The following ALDH2 variants were observed in gnomAD, a reference collection of about 807,000 sequenced individuals.
ALDH2 encodes aldehyde dehydrogenase, mitochondrial.
A neutral mutation model predicts 59.6 loss-of-function variants in ALDH2; 44 were observed. The observed-to-expected ratio is 0.74, with a 90% CI of 0.58 to 0.95. ALDH2 has a LOEUF of 0.95. Ranked by LOEUF, ALDH2 falls within the 40% of genes least tolerant of loss-of-function variation. The pLI, the probability that ALDH2 is intolerant of heterozygous loss-of-function variation, is 0.00. For missense variants in ALDH2, 570 were observed against 696.3 expected (o/e 0.82, Z 2.04); for synonymous variants, 291 against 284.0 (o/e 1.02, Z -0.25).
At position 111,815,755 on chromosome 12, in the gene ALDH2, G is replaced by A. The variant is rs1003845483; in HGVS notation, c.*6180G>A. On this transcript the variant is annotated 3_prime_UTR_variant, in exon 13 of 13. Coordinates refer to ENST00000261733, the MANE Select transcript of ALDH2 (RefSeq NM_000690.4). Reference sequence around the variant, plus strand: ...CTCCTGAGTAGCTGGGATTATAGGCGTGCACTACCATGCATATATATATAT... The same window carrying A: ...CTCCTGAGTAGCTGGGATTATAGGCATGCACTACCATGCATATATATATAT... 6 of 150,696 alleles carry A rather than the reference G, an allele frequency of 4.0e-5. No homozygotes were observed. The highest frequency in any genetic ancestry group is 1.5e-4 in the African/African-American group (6 of 40,792). 9.3% of individuals were successfully genotyped at this position (150,696 alleles called of 1,614,324 possible). A position where few individuals can be genotyped will look rare whatever the true frequency, so the allele number is the denominator to read the frequency against.
At position 111,816,123 on chromosome 12, in the gene ALDH2, G is replaced by A. The variant is rs1044032466; in HGVS notation, c.*6548G>A. On this transcript the variant is annotated 3_prime_UTR_variant, in exon 13 of 13. Transcript: ENST00000261733. ...TGAATGGCTTGGTGTCCTCCCCCAT[G>A]GTAATGAGTTCACTCAAGAGCTGGT... is the stretch of plus-strand genomic sequence containing the variant. 1 of 152,140 alleles carries A rather than the reference G, an allele frequency of 6.6e-6. No homozygotes were observed. The highest frequency in any genetic ancestry group is 1.5e-5 in the Non-Finnish European group (1 of 68,048). 9.4% of individuals were successfully genotyped at this position (152,140 alleles called of 1,614,324 possible).
At chr12:111,794,318 G>T (rs760677444) in intron 9 of ALDH2, among the ~76,000 whole-genome samples, 10 of 150,368 alleles carry the variant, frequency 6.7e-5, no homozygotes, top group Non-Finnish European at 1.3e-4. Context: ...GTGCCTGGCC[G>T]ATCTTTTTAT....
intron 1 of ALDH2, 51 bp from the exon 2 acceptor site, chr12:111,781,867 C>A: frequency 7.8e-7 from 1 of 1,286,284 alleles, no homozygotes; most frequent in Non-Finnish European, 1.1e-6. Flanking sequence ...TACTGGTAGT[C>A]AGTATTAGGT....
At chr12:111,799,865 T>A (rs1334229331) in intron 10 of ALDH2, 41 bp from the exon 11 acceptor site, 35 of 1,586,458 alleles carry the variant, frequency 2.2e-5, no homozygotes, top group Non-Finnish European at 3.0e-5. Context: ...GGCAGGTGCC[T>A]CCGTGTTGCC....
At chr12:111,787,156 A>G (rs1267649456) in intron 4 of ALDH2, among the ~76,000 whole-genome samples, 2 of 152,220 alleles carry the variant, frequency 1.3e-5, no homozygotes, top group Middle Eastern at 3.4e-3. Flanking sequence ...CAGTGAGCCG[A>G]GATCGTGCCA....
chr12:111,792,835 A>C (rs2068374092), intron 9 of ALDH2, 53 bp downstream of exon 9: 1 of 1,511,834 alleles, frequency 6.6e-7, no homozygotes, highest in Non-Finnish European at 8.9e-7. Flanking sequence ...CATGAGAAGC[A>C]GAGAGGGCAT....
At chr12:111,770,801 C>T (rs1486741932) in intron 1 of ALDH2, among the ~76,000 whole-genome samples, 3 of 152,060 alleles carry the variant, frequency 2.0e-5, no homozygotes, top group African/African-American at 4.8e-5. Context: ...CCCACCACCA[C>T]GCCTGGCTAA....
At chr12:111,780,326 C>T (rs2068262858) in intron 1 of ALDH2, among the ~76,000 whole-genome samples, 1 of 152,196 alleles carries the variant, frequency 6.6e-6, no homozygotes, top group African/African-American at 2.4e-5. Context: ...TGGGTGATGG[C>T]CTGGTCTGAA....
At chr12:111,772,670 T>C (rs2068208669) in intron 1 of ALDH2, among the ~76,000 whole-genome samples, 1 of 143,624 alleles carries the variant, frequency 7.0e-6, no homozygotes, top group African/African-American at 2.6e-5. Flanking sequence ...CTCTTTTTTT[T>C]TTGGTTTTTT....
chr12:111,801,357 CCATGCATGCAATAG>C (rs1441261371), intron 11 of ALDH2, among the ~76,000 whole-genome samples: 4 of 152,168 alleles, frequency 2.6e-5, no homozygotes, highest in African/African-American at 9.7e-5. Context: ...ATATCAGTAG[CCATGCATGCAATAG>C]CATGGATTAA....
At chr12:111,791,145 C>T (rs2068355597) in intron 6 of ALDH2, among the ~76,000 whole-genome samples, 161 bp from the exon 7 acceptor site, 1 of 152,182 alleles carries the variant, frequency 6.6e-6, no homozygotes, top group Admixed American at 6.5e-5. Context: ...CTTCTCCGTC[C>T]CATTTAGAAT....
chr12:111,794,119 A>G (rs1168366175), intron 9 of ALDH2, among the ~76,000 whole-genome samples: 1 of 150,260 alleles, frequency 6.7e-6, no homozygotes. Flanking sequence ...CCTGGGTTCA[A>G]GTGATTCTCC....
Position 111,792,740 on chromosome 12 carries a change from G to T in ALDH2, c.1041G>T (p.Val347=), listed in dbSNP as rs1593080638. 1 of 1,565,964 alleles carries T rather than the reference G, an allele frequency of 6.4e-7. No homozygotes were observed. Among genetic ancestry groups the T allele is most frequent in the Non-Finnish European group, 8.7e-7 (1 of 1,155,856 alleles). The part of the protein sequence containing the change: ...ERSVARAKSR[V]VGNPFDSKTE... Reference sequence around the variant, plus strand: ...GCGTTGCCCGGGCCAAGTCTCGGGTGGTCGGGAACCCCTTTGATAGCAAGA... The same window carrying T: ...GCGTTGCCCGGGCCAAGTCTCGGGTTGTCGGGAACCCCTTTGATAGCAAGA... The change falls in exon 9 of 13, where the codon GTG becomes GTT. Residue 347 remains valine, a synonymous_variant. Coordinates refer to ENST00000261733, the MANE Select transcript of ALDH2 (RefSeq NM_000690.4).
rs1213961856 is a variant in ALDH2 at position 111,809,876 on chromosome 12, A to G, written c.*301A>G. The G allele has an allele frequency of 4.2e-5, 19 of 453,880 alleles. No homozygotes were observed. Among genetic ancestry groups the G allele is most frequent in the Non-Finnish European group, 5.2e-5 (13 of 251,576 alleles). 28.1% of individuals were successfully genotyped at this position (453,880 alleles called of 1,614,324 possible). A position where few individuals can be genotyped will look rare whatever the true frequency, so the allele number is the denominator to read the frequency against. Reference sequence around the variant, plus strand: ...AACGCTTCCTATAACTCGAGTTTATAGGGGAAGAAAAAGCTATTGTTTACA... The same window carrying G: ...AACGCTTCCTATAACTCGAGTTTATGGGGGAAGAAAAAGCTATTGTTTACA... On this transcript the variant is annotated 3_prime_UTR_variant, in exon 13 of 13. Coordinates refer to ENST00000261733, the MANE Select transcript of ALDH2 (RefSeq NM_000690.4).
Position 111,809,523 on chromosome 12 carries a change from C to T in ALDH2, c.1522-20C>T, listed in dbSNP as rs777694079. 73 of 1,613,996 alleles carry T rather than the reference C, an allele frequency of 4.5e-5. 1 individual carries two copies. The East Asian group carries it at 1.5e-3, about 33-fold the overall frequency. On this transcript the variant is annotated intron_variant, in intron 12 of 12. Coordinates refer to ENST00000261733, the MANE Select transcript of ALDH2 (RefSeq NM_000690.4). ...ACAGGGAAGCAGGAAGATCTAACGG[C>T]TTCTCTGTCCCCCTTACAGGTCACA...
At chr12:111,776,003 TGCA>T (rs1436433374) in intron 1 of ALDH2, among the ~76,000 whole-genome samples, 1 of 152,104 alleles carries the variant, frequency 6.6e-6, no homozygotes, top group Non-Finnish European at 1.5e-5. Flanking sequence ...TTGTTGAAAA[TGCA>T]GCCTGGTTCA....
chr12:111,799,590 T>C (rs1434294298), intron 10 of ALDH2, among the ~76,000 whole-genome samples: 2 of 152,102 alleles, frequency 1.3e-5, no homozygotes, highest in Non-Finnish European at 2.9e-5. Context: ...ATTACAGGCA[T>C]GAGCCACAAT....
At chr12:111,769,986 A>T (rs956869913) in intron 1 of ALDH2, among the ~76,000 whole-genome samples, 1 of 152,020 alleles carries the variant, frequency 6.6e-6, no homozygotes, top group Non-Finnish European at 1.5e-5. Flanking sequence ...TCTACTGAAA[A>T]TACAAAAATT....
chr12:111,790,961 A>T (rs900294806), intron 6 of ALDH2, among the ~76,000 whole-genome samples: 3 of 152,130 alleles, frequency 2.0e-5, no homozygotes, highest in Non-Finnish European at 4.4e-5. Flanking sequence ...AGGCAGGAGG[A>T]TCACTTGAGC....
Sources: allele counts gnomAD v4.1 joint callset (sites outside exome capture counted in the v4.1 genomes callset), GRCh38; gene constraint gnomAD v4.1.1; transcripts MANE v1.5; gene names NCBI Gene and HGNC (gene_info 2026-07-23, HGNC 2026-07-21).